Variants in GTF2B observed in about 807,000 individuals in gnomAD.
GTF2B encodes the protein general transcription factor IIB, also known as transcription initiation factor IIB.
In GTF2B, 20 loss-of-function variants were observed where a neutral mutation model predicts 34.6. That is an observed-to-expected ratio of 0.58 (90% CI 0.41 to 0.84). The LOEUF is 0.84. GTF2B is among the 40% of genes least tolerant of loss of function. The pLI, the probability that GTF2B is intolerant of heterozygous loss-of-function variation, is 0.00. For missense variants in GTF2B, 237 were observed against 393.3 expected (o/e 0.60, Z 3.36); for synonymous variants, 142 against 132.4 (o/e 1.07, Z -0.50).
intron 2 of GTF2B, among the ~76,000 whole-genome samples, chr1:88,876,688 G>GT (rs1436800258): frequency 6.6e-6 from 1 of 151,952 alleles, no homozygotes; most frequent in African/African-American, 2.4e-5. Flanking sequence ...AAAAGCACTT[G>GT]TATCTCCACA....
At position 88,856,273 on chromosome 1, in the gene GTF2B, AAAAAAAAAAAAAAAAAAC is replaced by A. The variant is rs1357070762; in HGVS notation, c.817+915_817+932del. 5.7e-4 allele frequency among the ~76,000 whole-genome samples: 29 copies of A among 51,294 alleles called. 1 individual carries two copies. The highest frequency in any genetic ancestry group is 9.8e-3 in the Middle Eastern group (1 of 102). The allele number at this position is 51,294 out of a possible 152,430, so 33.7% of individuals were successfully genotyped here. A position where few individuals can be genotyped will look rare whatever the true frequency, so the allele number is the denominator to read the frequency against. On this transcript the variant is annotated intron_variant, in intron 6 of 6. Transcript: ENST00000370500. ...AACAGAGGGAGACTGTTTCAAAAAC[AAAAAAAAAAAAAAAAAAC>A]AAAAAAAAAAAAGGAAAAGAAATTC...
At chr1:88,883,129 T>C (rs1206870661) in intron 2 of GTF2B, among the ~76,000 whole-genome samples, 3 of 152,232 alleles carry the variant, frequency 2.0e-5, no homozygotes, top group South Asian at 2.1e-4. Flanking sequence ...GAAATTGACT[T>C]TACTGCACTT....
At chr1:88,857,068 T>G in intron 6 of GTF2B, 138 bp downstream of exon 6, 101 of 725,036 alleles carry the variant, frequency 1.4e-4, no homozygotes, top group Non-Finnish European at 2.1e-4. Flanking sequence ...TCCAAAGTGC[T>G]GAGATTATAG....
At chr1:88,881,169 T>TAAA (rs537366934) in intron 2 of GTF2B, among the ~76,000 whole-genome samples, 5 of 125,344 alleles carry the variant, frequency 4.0e-5, no homozygotes, top group African/African-American at 1.1e-4. Context: ...GGTATGTATT[T>TAAA]AAAAAAAAAA....
intron 6 of GTF2B, among the ~76,000 whole-genome samples, chr1:88,854,301 TG>T (rs1333101294): frequency 6.6e-6 from 1 of 152,188 alleles, no homozygotes; most frequent in African/African-American, 2.4e-5. Context: ...CATACGGAGA[TG>T]TTTTTCACTG....
chr1:88,854,705 A>C (rs1349145557), intron 6 of GTF2B, among the ~76,000 whole-genome samples: 1 of 152,222 alleles, frequency 6.6e-6, no homozygotes, highest in Non-Finnish European at 1.5e-5. Context: ...CATGCTGCCC[A>C]GGCTGGTCTC....
At chr1:88,867,199 A>C (rs1382063536) in intron 2 of GTF2B, among the ~76,000 whole-genome samples, 1 of 152,222 alleles carries the variant, frequency 6.6e-6, no homozygotes, top group East Asian at 1.9e-4. Flanking sequence ...ACGTTAGAAA[A>C]AAATTACCTG....
intron 2 of GTF2B, among the ~76,000 whole-genome samples, chr1:88,874,339 G>A (rs993343306): frequency 3.3e-5 from 5 of 151,140 alleles, no homozygotes; most frequent in Admixed American, 6.6e-5. Flanking sequence ...TTGGAGGTGG[G>A]GTCTTGATCT....
intron 2 of GTF2B, among the ~76,000 whole-genome samples, chr1:88,869,028 C>T (rs1396006481): frequency 6.6e-6 from 1 of 152,054 alleles, no homozygotes; most frequent in Non-Finnish European, 1.5e-5. Context: ...CGTGAGCCAC[C>T]GCGCCCGGCC....
At chr1:88,886,233 G>C (rs1674065479) in intron 2 of GTF2B, among the ~76,000 whole-genome samples, 1 of 152,188 alleles carries the variant, frequency 6.6e-6, no homozygotes, top group African/African-American at 2.4e-5. Flanking sequence ...CTTGGACCAA[G>C]TAAGTCAAGT....
At chr1:88,871,302 A>C (rs1383136375) in intron 2 of GTF2B, among the ~76,000 whole-genome samples, 1 of 152,218 alleles carries the variant, frequency 6.6e-6, no homozygotes, top group East Asian at 1.9e-4. Flanking sequence ...TACTGGAGTA[A>C]CAATTTTAAA....
intron 2 of GTF2B, among the ~76,000 whole-genome samples, chr1:88,869,023 G>T (rs1673627111): frequency 6.6e-6 from 1 of 152,132 alleles, no homozygotes. Context: ...ACAGGCGTGA[G>T]CCACCGCGCC....
At chr1:88,864,836 G>C (rs564265392) in intron 2 of GTF2B, among the ~76,000 whole-genome samples, 5 of 152,338 alleles carry the variant, frequency 3.3e-5, no homozygotes, top group African/African-American at 1.2e-4. Context: ...ACTACTCACT[G>C]TGCCCTTTTG....
chr1:88,884,200 G>A (rs536835165), intron 2 of GTF2B, among the ~76,000 whole-genome samples: 12 of 152,008 alleles, frequency 7.9e-5, no homozygotes, highest in Middle Eastern at 6.8e-3. Flanking sequence ...GCTAATTTTT[G>A]TATTTTTAGT....
At chr1:88,883,158 A>G (rs993028560) in intron 2 of GTF2B, among the ~76,000 whole-genome samples, 4 of 152,376 alleles carry the variant, frequency 2.6e-5, no homozygotes, top group African/African-American at 9.6e-5. Context: ...ACAGAAAAGC[A>G]GTATTTTGCC....
At chr1:88,888,428 A>G (rs144599940) in intron 1 of GTF2B, among the ~76,000 whole-genome samples, 1,835 of 152,308 alleles carry the variant, frequency 0.012, 33 homozygotes, top group African/African-American at 0.041. Context: ...CGGGGGGATG[A>G]GTATTACTTC....
chr1:88,867,934 C>T (rs1476665589), intron 2 of GTF2B, among the ~76,000 whole-genome samples: 2 of 152,084 alleles, frequency 1.3e-5, no homozygotes, highest in Non-Finnish European at 2.9e-5. Context: ...TGCTAAGAAC[C>T]ATTCCCTCTT....
intron 2 of GTF2B, among the ~76,000 whole-genome samples, chr1:88,865,713 T>C (rs1301170814): frequency 6.6e-6 from 1 of 151,742 alleles, no homozygotes. Context: ...TAGCTGGGCG[T>C]GGTGGCACAT....
chr1:88,881,351 T>C (rs1673934963), intron 2 of GTF2B, among the ~76,000 whole-genome samples: 1 of 152,152 alleles, frequency 6.6e-6, no homozygotes, highest in Non-Finnish European at 1.5e-5. Flanking sequence ...GTTCATATGA[T>C]GAAATCACCT....
Sources: gnomAD v4.1 joint callset for allele counts (sites outside exome capture counted in the v4.1 genomes callset) on GRCh38, gnomAD v4.1.1 for gene constraint, MANE v1.5 for transcripts, NCBI Gene and HGNC (gene_info 2026-07-23, HGNC 2026-07-21) for gene names.